GAS7: variants seen among roughly 807,000 people sequenced by gnomAD.
GAS7 encodes growth arrest-specific protein 7.
A neutral mutation model predicts 71.1 loss-of-function variants in GAS7; 28 were observed. The observed-to-expected ratio is 0.39, with a 90% confidence interval of 0.29 to 0.54. The LOEUF (loss-of-function observed/expected upper bound fraction) is 0.54. GAS7 is among the 20% of genes least tolerant of loss of function. The pLI is 0.62. For synonymous variants in GAS7, 258 were observed against 245.8 expected (o/e 1.05, Z -0.46); for missense variants, 436 against 627.8 (o/e 0.69, Z 3.27).
intron 1 of GAS7, among the ~76,000 whole-genome samples, chr17:10,182,161 C>G (rs1256998115): frequency 6.6e-6 from 1 of 152,142 alleles, no homozygotes; most frequent in Non-Finnish European, 1.5e-5. Flanking sequence ...CTTTTATTCC[C>G]TTACTTTTGG....
intron 11 of GAS7, chr17:9,924,681 T>TA (rs896439692): frequency 1.3e-5 from 2 of 152,176 alleles, no homozygotes; most frequent in African/African-American, 4.8e-5. Flanking sequence ...TTTTGAAATG[T>TA]AAGGTGGCTG....
intron 3 of GAS7, among the ~76,000 whole-genome samples, chr17:9,970,548 C>T (rs1481956624): frequency 1.3e-5 from 2 of 152,136 alleles, no homozygotes; most frequent in Non-Finnish European, 2.9e-5. Context: ...AGGAGGATCG[C>T]TTGAACCCAG....
chr17:9,932,414 C>CGATCTCAT (rs1345500627), intron 9 of GAS7, among the ~76,000 whole-genome samples: 1 of 152,048 alleles, frequency 6.6e-6, no homozygotes, highest in South Asian at 2.1e-4. Flanking sequence ...AGGATGGTCT[C>CGATCTCAT]GATCTCATGA....
chr17:10,136,189 C>A (rs984368656), intron 1 of GAS7, among the ~76,000 whole-genome samples: 1 of 152,222 alleles, frequency 6.6e-6, no homozygotes, highest in Admixed American at 6.5e-5. Flanking sequence ...ACTTGCTCAT[C>A]TTCCTTTCTG....
chr17:9,917,860 C>T, intron 13 of GAS7, 141 bp downstream of exon 13: 1 of 629,088 alleles, frequency 1.6e-6, no homozygotes. Flanking sequence ...ACGAGGCCAC[C>T]CCCAGGCCAG....
At chr17:10,119,890 G>C (rs1444699242) in intron 1 of GAS7, among the ~76,000 whole-genome samples, 1 of 152,154 alleles carries the variant, frequency 6.6e-6, no homozygotes, top group Non-Finnish European at 1.5e-5. Context: ...CTCACGCCCA[G>C]AGCCAGGCAG....
At chr17:9,945,009 G>A (rs766675529) in intron 6 of GAS7, among the ~76,000 whole-genome samples, 11 of 152,070 alleles carry the variant, frequency 7.2e-5, no homozygotes, top group East Asian at 1.9e-4. Context: ...CAGAGAGCTC[G>A]AATTAAGATA....
chr17:10,137,928 G>A (rs2074051325), intron 1 of GAS7, among the ~76,000 whole-genome samples: 1 of 151,874 alleles, frequency 6.6e-6, no homozygotes, highest in South Asian at 2.1e-4. Flanking sequence ...CAGTAAATAA[G>A]ATCAGGTCCC....
intron 2 of GAS7, among the ~76,000 whole-genome samples, chr17:10,014,618 C>G (rs2071916769): frequency 6.6e-6 from 1 of 152,124 alleles, no homozygotes; most frequent in African/African-American, 2.4e-5. Flanking sequence ...CAAGGCCGCC[C>G]CCTCCCCCTG....
intron 1 of GAS7, among the ~76,000 whole-genome samples, chr17:10,037,999 A>C (rs2072787778): frequency 6.6e-6 from 1 of 152,170 alleles, no homozygotes; most frequent in South Asian, 2.1e-4. Flanking sequence ...ATCATGAGGG[A>C]AATGCAAATC....
Position 10,026,438 on chromosome 17 carries a change from C to T in GAS7, c.184-6541G>A, listed in dbSNP as rs184376423. 2.1e-3 allele frequency: 520 copies of T among 251,454 alleles called. 2 individuals carry two copies. Among genetic ancestry groups the T allele is most frequent in the Non-Finnish European group, 2.9e-3 (458 of 158,848 alleles). 15.6% of individuals were successfully genotyped at this position (251,454 alleles called of 1,614,324 possible). A position where few individuals can be genotyped will look rare whatever the true frequency, so the allele number is the denominator to read the frequency against. ...CAATGCTTGCTAATGAGCCCAGTGC[C>T]GTGATTGGCACTGCTTGAAGGCTCC... On this transcript the variant is annotated intron_variant, in intron 1 of 13. Coordinates refer to ENST00000432992, the MANE Select transcript of GAS7 (RefSeq NM_201433.2). This position sits in a 1 kb window ranked among gnomAD's most constrained non-coding sequence, Gnocchi z 4.5.
At position 9,919,969 on chromosome 17, in the gene GAS7, T is replaced by TTGTGTG. The variant is rs34994635; in HGVS notation, c.1139-270_1139-265dup. Among the ~76,000 whole-genome samples the TTGTGTG allele has an allele frequency of 0.044, 5,819 of 131,392 alleles. 239 individuals are homozygous for TTGTGTG. The highest frequency in any genetic ancestry group is 0.077 in the East Asian group (325 of 4,248). The allele number at this position is 131,392 out of a possible 152,430, so 86.2% of individuals were successfully genotyped here. A position where few individuals can be genotyped will look rare whatever the true frequency, so the allele number is the denominator to read the frequency against. On this transcript the variant is annotated intron_variant, in intron 11 of 13. Coordinates refer to ENST00000432992, the MANE Select transcript of GAS7 (RefSeq NM_201433.2). The surrounding 1 kb of genome is among the most constrained non-coding windows in gnomAD (Gnocchi z 5.0). ...AGGATTCAGGATGGTGGTTCTCATT[T>TTGTGTG]TGTGTGTGTGTGTGTGTGTGTGTGT...
At chr17:10,019,725 G>C in intron 2 of GAS7, 52 bp downstream of exon 2, 1 of 1,576,942 alleles carries the variant, frequency 6.3e-7, no homozygotes. Flanking sequence ...CCCCTCTAGA[G>C]AGCCAGAATG....
intron 1 of GAS7, among the ~76,000 whole-genome samples, chr17:10,148,184 A>G (rs72809394): frequency 0.022 from 3,333 of 152,170 alleles, 50 homozygotes; most frequent in South Asian, 0.059. Flanking sequence ...TTGCACTTTT[A>G]TGTTTCTTGG....
In GAS7 at chr17:10,198,330, GC is replaced by G; in HGVS notation, c.60del (p.Leu21CysfsTer8). The G allele has an allele frequency of 6.2e-7, 1 of 1,600,398 alleles. No homozygotes were observed. The highest frequency in any genetic ancestry group is 1.1e-5 in the South Asian group (1 of 90,900). On this transcript the variant is annotated frameshift_variant, in exon 1 of 14. Transcript: ENST00000432992. LOFTEE classifies it high-confidence loss of function. ...ATCAGCTCGCCCGCGGCGAAGCGCAGCCCCTGGCCGTGCCGCTCCCCGGAGA... is the reference window on the plus strand; with the variant it reads ...ATCAGCTCGCCCGCGGCGAAGCGCAGCCCTGGCCGTGCCGCTCCCCGGAGA... The part of the protein sequence containing the change: ...YPFSGERHGQ[G>X]LRFAAGELIT...
At chr17:10,176,236 G>A (rs2074373543) in intron 1 of GAS7, among the ~76,000 whole-genome samples, 1 of 152,152 alleles carries the variant, frequency 6.6e-6, no homozygotes, top group Admixed American at 6.5e-5. Flanking sequence ...GAGGTCTTAG[G>A]AGGAGGCCTC....
At chr17:9,982,810 AGAAAGGAAAGAAAG>A (rs2070463697) in intron 2 of GAS7, among the ~76,000 whole-genome samples, 2 of 52,958 alleles carry the variant, frequency 3.8e-5, no homozygotes, top group South Asian at 4.5e-4. Context: ...AAGAAAGGAA[AGAAAGGAAAGAAAG>A]GAAAGAAAGA....
intron 2 of GAS7, among the ~76,000 whole-genome samples, chr17:9,987,959 C>T (rs1006150095): frequency 6.6e-6 from 1 of 152,216 alleles, no homozygotes; most frequent in Non-Finnish European, 1.5e-5. Flanking sequence ...CCTGCTGGGG[C>T]TCGTCCACTT....
intron 1 of GAS7, among the ~76,000 whole-genome samples, chr17:10,055,755 A>G (rs2073127523): frequency 6.6e-6 from 1 of 152,258 alleles, no homozygotes; most frequent in Non-Finnish European, 1.5e-5. Flanking sequence ...TTCATGGAAC[A>G]ATGCTTGCCC....
Sources: gnomAD v4.1 joint callset for allele counts (sites outside exome capture counted in the v4.1 genomes callset) on GRCh38, gnomAD v4.1.1 for gene constraint, Gnocchi (gnomAD v3.1) non-coding constraint, MANE v1.5 for transcripts, NCBI Gene and HGNC (gene_info 2026-07-23, HGNC 2026-07-21) for gene names.